The following MYLK variants were observed in gnomAD, a reference collection of about 807,000 sequenced individuals.
MYLK encodes the protein myosin light chain kinase.
MYLK carries 106 observed loss-of-function variants against 203.4 expected under a neutral mutation model. The ratio of observed to expected loss-of-function variants is 0.52; its 90% CI spans 0.45 to 0.61. The LOEUF (loss-of-function observed/expected upper bound fraction) is 0.61. Among genes scored for constraint, MYLK ranks in the 20% least tolerant of loss-of-function variants. The pLI is 0.00. For missense variants in MYLK, 2,072 were observed against 2,442.3 expected, an observed-to-expected ratio of 0.85 and a Z score of 3.20; for synonymous variants, 867 against 959.5, an observed-to-expected ratio of 0.90 and a Z score of 1.78.
intron 27 of MYLK, 27 bp downstream of exon 27, chr3:123,647,197 C>A (rs1219188356): frequency 6.2e-7 from 1 of 1,611,268 alleles, no homozygotes. Flanking sequence ...CCTGTGGTGC[C>A]CACGCTGCTG....
intron 20 of MYLK, among the ~76,000 whole-genome samples, chr3:123,667,935 T>G (rs1432282122): frequency 6.6e-6 from 1 of 152,224 alleles, no homozygotes; most frequent in Admixed American, 6.5e-5. Flanking sequence ...GGTCACAGAC[T>G]GTTGACTGGT....
chr3:123,704,787 G>A (rs1483067279), intron 16 of MYLK, among the ~76,000 whole-genome samples: 2 of 151,288 alleles, frequency 1.3e-5, no homozygotes, highest in African/African-American at 4.9e-5. Flanking sequence ...GGGCGTGGTG[G>A]TAGGCACCTG....
intron 24 of MYLK, among the ~76,000 whole-genome samples, chr3:123,650,811 T>A (rs2059186419): frequency 1.3e-5 from 2 of 152,212 alleles, no homozygotes. Context: ...AAGCCAGGAA[T>A]GGAGTTAGTG....
At chr3:123,797,869 A>G (rs747142233) in intron 3 of MYLK, among the ~76,000 whole-genome samples, 2 of 152,238 alleles carry the variant, frequency 1.3e-5, no homozygotes, top group African/African-American at 2.4e-5. Flanking sequence ...CAGTTCCCAA[A>G]GGGATGCCCG....
intron 2 of MYLK, among the ~76,000 whole-genome samples, chr3:123,836,698 T>C (rs900084844): frequency 2.6e-5 from 4 of 152,312 alleles, no homozygotes; most frequent in African/African-American, 9.6e-5. Context: ...TATTTTGTTT[T>C]ATAACAGAAG....
In MYLK at chr3:123,734,174, C is replaced by T; in HGVS notation, c.822G>A (p.Glu274=). ...TKATNSDVRK[E]VTNVISKESK... ...ACTCCTTTGAGATTACATTGGTCAC[C>T]TCTTTCCTGACATCTGAATTGGTGG... Residue 274 remains glutamate (E), a synonymous_variant, in exon 10 of 34, where the codon GAG becomes GAA. Transcript: ENST00000360304. 1.3e-6 allele frequency: 2 copies of T among 1,503,064 alleles called. No individual in the cohort carries two copies. The highest frequency in any genetic ancestry group is 1.8e-6 in the Non-Finnish European group (2 of 1,125,992). 93.1% of individuals were successfully genotyped at this position (1,503,064 alleles called of 1,614,324 possible).
chr3:123,698,156 C>T (rs1478325518), intron 18 of MYLK, among the ~76,000 whole-genome samples: 3 of 152,176 alleles, frequency 2.0e-5, no homozygotes, highest in South Asian at 4.1e-4. Context: ...ACTGACTTAA[C>T]CTCAGTTTCC....
chr3:123,629,791 G>C lies in MYLK; in HGVS notation c.4962-165C>G. 1 of 700,122 alleles carries C rather than the reference G, an allele frequency of 1.4e-6. No individual in the cohort carries two copies. The highest frequency in any genetic ancestry group is 2.4e-6 in the Non-Finnish European group (1 of 413,832). 43.4% of individuals were successfully genotyped at this position (700,122 alleles called of 1,614,324 possible). On this transcript the variant is annotated intron_variant, in intron 29 of 33. Transcript: ENST00000360304. The surrounding 1 kb of genome is among the most constrained non-coding windows in gnomAD (Gnocchi z 4.4). ...TCTTCCACTTGTGGAAAGAAAAGAG[G>C]GTGTGGTTCACAGCCCTGTCTTTTC...
At chr3:123,659,201 A>G (rs997071185) in intron 23 of MYLK, among the ~76,000 whole-genome samples, 5 of 152,256 alleles carry the variant, frequency 3.3e-5, no homozygotes, top group African/African-American at 1.2e-4. Context: ...GGGATGGAAG[A>G]CAGACCCACT....
chr3:123,818,111 T>A (rs1412601490), intron 3 of MYLK, among the ~76,000 whole-genome samples: 1 of 152,072 alleles, frequency 6.6e-6, no homozygotes, highest in Non-Finnish European at 1.5e-5. Context: ...CATTCCCTTA[T>A]GATGTCAGGG....
At chr3:123,771,654 G>T in intron 4 of MYLK, among the ~76,000 whole-genome samples, 1 of 152,106 alleles carries the variant, frequency 6.6e-6, no homozygotes, top group Non-Finnish European at 1.5e-5. Flanking sequence ...TTTATGATGG[G>T]TTACATCCCA....
chr3:123,849,281 AT>A (rs2030445803), intron 2 of MYLK, among the ~76,000 whole-genome samples: 1 of 152,004 alleles, frequency 6.6e-6, no homozygotes, highest in Non-Finnish European at 1.5e-5. Flanking sequence ...ACCTCAACTT[AT>A]TTTTCATATG....
intron 16 of MYLK, among the ~76,000 whole-genome samples, chr3:123,702,069 A>G (rs1246316531): frequency 1.3e-5 from 2 of 152,184 alleles, no homozygotes; most frequent in Admixed American, 1.3e-4. Context: ...GTTTTCCTAC[A>G]TGAGTGGCCC....
At chr3:123,737,136 T>C (rs909235806) in intron 8 of MYLK, 4 of 513,168 alleles carry the variant, frequency 7.8e-6, no homozygotes, top group Admixed American at 6.5e-5. Flanking sequence ...GGAGAATCGC[T>C]TGAACCTGGG....
intron 4 of MYLK, among the ~76,000 whole-genome samples, chr3:123,775,980 G>C (rs1330194172): frequency 6.6e-6 from 1 of 152,212 alleles, no homozygotes; most frequent in Admixed American, 6.5e-5. Context: ...GAACAGGCCT[G>C]ATCTCTGAGT....
At chr3:123,757,137 T>C (rs1421878330) in intron 4 of MYLK, among the ~76,000 whole-genome samples, 2 of 152,186 alleles carry the variant, frequency 1.3e-5, no homozygotes, top group African/African-American at 4.8e-5. Context: ...CCTTGAGATT[T>C]ACTTAATGAC....
In MYLK at chr3:123,793,625, C is replaced by T. The variant is rs202195981; in HGVS notation, c.165+52G>A. The T allele has an allele frequency of 1.2e-4, 191 of 1,597,492 alleles. 1 individual carries two copies. Among genetic ancestry groups the T allele is most frequent in the South Asian group, 7.1e-4 (64 of 90,190 alleles). The stretch of plus-strand genomic sequence containing the variant: ...CAGGAAAAGGCTTGACAAGGAGCAG[C>T]GGCCCCTGCCCATCCTTCCCCACAG... On this transcript the variant is annotated intron_variant, in intron 4 of 33. Coordinates refer to ENST00000360304, the MANE Select transcript of MYLK (RefSeq NM_053025.4).
At chr3:123,690,490 G>A (rs1197902415) in intron 19 of MYLK, among the ~76,000 whole-genome samples, 1 of 152,120 alleles carries the variant, frequency 6.6e-6, no homozygotes, top group African/African-American at 2.4e-5. Context: ...AGGGGATGAG[G>A]GGACAGAATG....
At position 123,725,975 on chromosome 3, in the gene MYLK, G is replaced by A; in HGVS notation, c.1620C>T (p.Thr540=). 6.2e-7 allele frequency: 1 copy of A among 1,614,094 alleles called. No homozygotes were observed. Among genetic ancestry groups the A allele is most frequent in the Non-Finnish European group, 8.5e-7 (1 of 1,179,954 alleles). ...GCAGCCAAGTGATCCGGGGCACTGGGGTCCCCCGTACGGAGCACTGCAGCA... is the reference window on the plus strand; with the variant it reads ...GCAGCCAAGTGATCCGGGGCACTGGAGTCCCCCGTACGGAGCACTGCAGCA... ...DFVLQCSVRG[T]PVPRITWLLN... Residue 540 remains threonine (T), a synonymous_variant, in exon 12 of 34, where the codon ACC becomes ACT. Coordinates refer to ENST00000360304, the MANE Select transcript of MYLK (RefSeq NM_053025.4).
Sources: allele counts gnomAD v4.1 joint callset (sites outside exome capture counted in the v4.1 genomes callset), GRCh38; gene constraint gnomAD v4.1.1; non-coding constraint Gnocchi (gnomAD v3.1); transcripts MANE v1.5; gene names NCBI Gene and HGNC (gene_info 2026-07-23, HGNC 2026-07-21).